Variants in ZNF385D observed in about 807,000 individuals in gnomAD.
ZNF385D encodes zinc finger protein 385D.
In ZNF385D, 15 loss-of-function variants were observed where a neutral mutation model predicts 35.8. The observed-to-expected ratio is 0.42, with a 90% CI of 0.28 to 0.64. ZNF385D has a LOEUF of 0.64. Among genes scored for constraint, ZNF385D ranks in the 30% least tolerant of loss-of-function variants. The pLI, the probability that ZNF385D is intolerant of heterozygous loss-of-function variation, is 0.23. For missense variants in ZNF385D, 474 were observed against 494.6 expected, an observed-to-expected ratio of 0.96 and a Z score of 0.39; for synonymous variants, 212 against 186.8, an observed-to-expected ratio of 1.13 and a Z score of -1.10.
intron 2 of ZNF385D, among the ~76,000 whole-genome samples, chr3:22,208,055 C>T (rs528275595): frequency 7.9e-5 from 12 of 151,866 alleles, no homozygotes; most frequent in African/African-American, 2.2e-4. Context: ...AAATACTATA[C>T]GATGCAGCAA....
chr3:22,103,307 G>A (rs1702039271), intron 3 of ZNF385D, among the ~76,000 whole-genome samples: 1 of 151,430 alleles, frequency 6.6e-6, no homozygotes, highest in South Asian at 2.1e-4. Context: ...GCTCACAAGT[G>A]CTTACGATTT....
At chr3:21,761,556 C>T (rs2070608482) in intron 3 of ZNF385D, among the ~76,000 whole-genome samples, 1 of 152,112 alleles carries the variant, frequency 6.6e-6, no homozygotes, top group Non-Finnish European at 1.5e-5. Context: ...GAGTGAAGGT[C>T]ATCAATCAAT....
intron 3 of ZNF385D, among the ~76,000 whole-genome samples, chr3:21,761,659 A>G (rs190089411): frequency 4.6e-5 from 7 of 152,218 alleles, no homozygotes; most frequent in Admixed American, 4.6e-4. Context: ...ACTTTGGAGG[A>G]GTGAAGAGTG....
chr3:21,721,528 GTTTC>G (rs1190036794), intron 1 of ZNF385D, among the ~76,000 whole-genome samples: 9 of 151,866 alleles, frequency 5.9e-5, no homozygotes, highest in African/African-American at 2.2e-4. Context: ...TTTGCTTTGA[GTTTC>G]TTTGAGATTT....
chr3:22,034,240 G>T (rs1055384188), intron 3 of ZNF385D, among the ~76,000 whole-genome samples: 6 of 152,150 alleles, frequency 3.9e-5, no homozygotes, highest in African/African-American at 1.4e-4. Context: ...TGAAATTAGT[G>T]ATCTTACAGG....
At chr3:21,726,546 C>T (rs898967848) in intron 1 of ZNF385D, among the ~76,000 whole-genome samples, 4 of 151,994 alleles carry the variant, frequency 2.6e-5, no homozygotes, top group Admixed American at 2.6e-4. Flanking sequence ...AAACAGAGAG[C>T]CAAATCATGA....
chr3:21,479,299 A>C (rs1575013168), intron 4 of ZNF385D, among the ~76,000 whole-genome samples: 1 of 152,018 alleles, frequency 6.6e-6, no homozygotes, highest in East Asian at 1.9e-4. Context: ...CTTTTGTGGA[A>C]ATTTTTCTTC....
rs548936707 is a variant in ZNF385D, at chr3:21,998,611, A to G, written c.325+170206T>C. On this transcript the variant is annotated intron_variant, in intron 3 of 5. Transcript: ENST00000494108. The stretch of plus-strand genomic sequence containing the variant: ...GCACCTTGAAGTATCAGTTGTTACT[A>G]GCCCAGCCAAGAGATTTGTTATTAG... 2.6e-5 allele frequency among the ~76,000 whole-genome samples: 4 copies of G among 152,342 alleles called. No homozygotes were observed. The South Asian group carries it at 8.3e-4, about 32-fold the overall frequency.
chr3:21,525,684 CAAAAAA>C (rs11308733), intron 3 of ZNF385D, among the ~76,000 whole-genome samples: 1 of 88,414 alleles, frequency 1.1e-5, no homozygotes. Flanking sequence ...AATTCCATCT[CAAAAAA>C]AAAAAAAAAA....
intron 2 of ZNF385D, among the ~76,000 whole-genome samples, chr3:22,244,577 T>C (rs890132389): frequency 6.6e-6 from 1 of 150,906 alleles, no homozygotes; most frequent in Non-Finnish European, 1.5e-5. Context: ...TAATATTTAA[T>C]GTCCCTTTCA....
intron 3 of ZNF385D, among the ~76,000 whole-genome samples, chr3:21,757,869 C>T (rs1231854414): frequency 6.6e-6 from 1 of 152,142 alleles, no homozygotes; most frequent in Admixed American, 6.5e-5. Flanking sequence ...ATGCTATAAC[C>T]AATGCCTCAG....
chr3:22,031,668 T>G (rs1490220974), intron 3 of ZNF385D, among the ~76,000 whole-genome samples: 1 of 152,150 alleles, frequency 6.6e-6, no homozygotes, highest in African/African-American at 2.4e-5. Context: ...ATCTCTGACA[T>G]GCCCTGGAGA....
intron 3 of ZNF385D, among the ~76,000 whole-genome samples, chr3:21,792,877 A>G (rs1380023735): frequency 1.3e-5 from 2 of 152,140 alleles, no homozygotes; most frequent in Admixed American, 6.5e-5. Flanking sequence ...GGTTTTGTGC[A>G]TTTTTATTAA....
intron 3 of ZNF385D, among the ~76,000 whole-genome samples, chr3:22,000,508 C>T (rs1038559670): frequency 2.6e-5 from 4 of 152,018 alleles, no homozygotes; most frequent in African/African-American, 9.7e-5. Flanking sequence ...ATAATATGCC[C>T]ATAAAAATGG....
At chr3:21,476,340 C>G (rs1188808298) in intron 4 of ZNF385D, among the ~76,000 whole-genome samples, 1 of 152,024 alleles carries the variant, frequency 6.6e-6, no homozygotes, top group African/African-American at 2.4e-5. Flanking sequence ...GGGGATAATT[C>G]TAAAAGATTA....
intron 3 of ZNF385D, among the ~76,000 whole-genome samples, chr3:21,806,564 A>C (rs2072659748): frequency 6.6e-6 from 1 of 152,170 alleles, no homozygotes; most frequent in Admixed American, 6.5e-5. Flanking sequence ...AAACCAGTGC[A>C]ATTTTTATAT....
chr3:22,084,591 A>C (rs777852368), intron 3 of ZNF385D, among the ~76,000 whole-genome samples: 1 of 152,130 alleles, frequency 6.6e-6, no homozygotes, highest in Non-Finnish European at 1.5e-5. Context: ...AGTCCCTAGC[A>C]ACCTACAAAG....
chr3:21,570,928 C>T (rs531701961), intron 2 of ZNF385D, among the ~76,000 whole-genome samples: 4 of 152,114 alleles, frequency 2.6e-5, no homozygotes, highest in South Asian at 2.1e-4. Context: ...CACATTCATA[C>T]GTTAAAAAAC....
At chr3:22,191,918 A>T (rs4622916) in intron 2 of ZNF385D, among the ~76,000 whole-genome samples, 3 of 151,914 alleles carry the variant, frequency 2.0e-5, no homozygotes, top group African/African-American at 4.8e-5. Flanking sequence ...CTATAAAAAA[A>T]CAATGGTAAT....
Sources: gnomAD v4.1 joint callset for allele counts (sites outside exome capture counted in the v4.1 genomes callset) on GRCh38, gnomAD v4.1.1 for gene constraint, MANE v1.5 for transcripts, NCBI Gene and HGNC (gene_info 2026-07-23, HGNC 2026-07-21) for gene names.